IRF2: variants seen among roughly 807,000 people sequenced by gnomAD.
IRF2 encodes interferon regulatory factor 2.
A neutral mutation model predicts 40.6 loss-of-function variants in IRF2; 15 were observed. The ratio of observed to expected loss-of-function variants is 0.37; its 90% CI spans 0.25 to 0.57. The LOEUF (loss-of-function observed/expected upper bound fraction) is 0.57, where lower values mean the gene tolerates loss of function less well. IRF2 is among the 20% of genes least tolerant of loss of function. IRF2 has a pLI of 0.77. For missense variants in IRF2, 317 were observed against 455.7 expected, an observed-to-expected ratio of 0.70 and a Z score of 2.77; for synonymous variants, 151 against 165.5, an observed-to-expected ratio of 0.91 and a Z score of 0.67.
Position 184,418,569 on chromosome 4 carries a change from G to A in IRF2, c.327C>T (p.Tyr109=), listed in dbSNP as rs2149900078. The change falls in exon 4 of 9, where the codon TAC becomes TAT. Residue 109 remains tyrosine, a synonymous_variant. Coordinates refer to ENST00000393593, the MANE Select transcript of IRF2 (RefSeq NM_002199.4). ...IKKGNNAFRV[Y]RMLPLSERPS... ...GCCGTTCTGATAGGGGCAGCATTCGGTAGACCCTGAAGGCATTATTTCCTT... is the reference window on the plus strand; with the variant it reads ...GCCGTTCTGATAGGGGCAGCATTCGATAGACCCTGAAGGCATTATTTCCTT... 1 of 1,614,176 alleles carries A rather than the reference G, an allele frequency of 6.2e-7. No individual in the cohort carries two copies. Among genetic ancestry groups the A allele is most frequent in the East Asian group, 2.2e-5 (1 of 44,888 alleles).
At position 184,388,773 on chromosome 4, in the gene IRF2, G is replaced by A. The variant is rs150796036; in HGVS notation, c.1035C>T (p.Arg345=). 6.7e-3 allele frequency: 10,726 copies of A among 1,611,208 alleles called. 60 individuals are homozygous for A. The highest frequency in any genetic ancestry group is 7.9e-3 in the Non-Finnish European group (9,292 of 1,179,634). ...IKKTSDITQA[R]VKSC ...AGTCAGAGGCTTAACAGCTCTTGAC[G>A]CGGGCCTGGGTGATATCCGATGTTT... The change falls in exon 9 of 9, where the codon CGC becomes CGT. Residue 345 remains arginine, a synonymous_variant. Coordinates refer to ENST00000393593, the MANE Select transcript of IRF2 (RefSeq NM_002199.4). The surrounding 1 kb of genome is among the most constrained non-coding windows in gnomAD (Gnocchi z 4.6).
At chr4:184,415,838 C>T (rs969412969) in intron 5 of IRF2, among the ~76,000 whole-genome samples, 6 of 152,178 alleles carry the variant, frequency 3.9e-5, no homozygotes, top group South Asian at 4.1e-4. Flanking sequence ...TCAACAAATG[C>T]GGATGCATCT....
chr4:184,446,617 C>T (rs550768477), intron 1 of IRF2, among the ~76,000 whole-genome samples: 3 of 152,092 alleles, frequency 2.0e-5, no homozygotes, highest in Non-Finnish European at 4.4e-5. Context: ...CTACAATAAC[C>T]CAGGCTGTGG....
chr4:184,471,321 C>CT (rs1187815345), intron 1 of IRF2, among the ~76,000 whole-genome samples: 21 of 152,154 alleles, frequency 1.4e-4, no homozygotes, highest in African/African-American at 5.1e-4. Flanking sequence ...TAATGGTCAG[C>CT]TCACTCACCA....
chr4:184,455,977 C>T (rs1165002886), intron 1 of IRF2, among the ~76,000 whole-genome samples: 1 of 152,194 alleles, frequency 6.6e-6, no homozygotes, highest in East Asian at 1.9e-4. Flanking sequence ...CCTGCAAAGA[C>T]GAAGGTGGGC....
At position 184,388,826 on chromosome 4, in the gene IRF2, G is replaced by C; in HGVS notation, c.982C>G (p.Arg328Gly). 1 of 1,613,974 alleles carries C rather than the reference G, an allele frequency of 6.2e-7. No individual in the cohort carries two copies. The highest frequency in any genetic ancestry group is 8.5e-7 in the Non-Finnish European group (1 of 1,180,030). The change falls in exon 9 of 9, where the codon CGG becomes GGG. Residue 328 changes from arginine (R) to glycine (G), a missense_variant. By Grantham distance (125) the Arg-to-Gly change is moderately radical. This residue lies in a region of IRF2 where 262 missense variants were observed against 334.0 expected (regional missense o/e 0.78). Transcript: ENST00000393593. This position sits in a 1 kb window ranked among gnomAD's most constrained non-coding sequence, Gnocchi z 4.6. The part of the protein sequence containing the change: ...TPASSSSRPD[R>G]ETRASVIKKT... ...TTGATGACGCTGGCCCGGGTCTCCC[G>C]GTCTGGCCGACTGCTGCTGGATGCT...
intron 8 of IRF2, 23 bp downstream of exon 8, chr4:184,390,680 G>A: frequency 6.2e-7 from 1 of 1,613,596 alleles, no homozygotes; most frequent in Admixed American, 1.7e-5. Context: ...GCAGCATCGT[G>A]GGCAGGCTGG....
intron 5 of IRF2, among the ~76,000 whole-genome samples, chr4:184,409,326 A>C (rs1345537513): frequency 6.6e-6 from 1 of 152,070 alleles, no homozygotes; most frequent in East Asian, 1.9e-4. Flanking sequence ...TCCCCCCAAA[A>C]TCCTCAAAAA....
chr4:184,414,137 C>T (rs1485814505), intron 5 of IRF2, among the ~76,000 whole-genome samples: 1 of 152,252 alleles, frequency 6.6e-6, no homozygotes, highest in Non-Finnish European at 1.5e-5. Flanking sequence ...CTGCCCATCA[C>T]AGGGAGAACT....
At chr4:184,471,599 ATGT>A (rs1260214148) in intron 1 of IRF2, among the ~76,000 whole-genome samples, 1 of 152,160 alleles carries the variant, frequency 6.6e-6, no homozygotes. Context: ...GTACGAGATG[ATGT>A]TAAGAATAAA....
chr4:184,442,237 G>A (rs987242529), intron 1 of IRF2, among the ~76,000 whole-genome samples: 10 of 152,078 alleles, frequency 6.6e-5, no homozygotes, highest in African/African-American at 2.2e-4. Context: ...TGGCCAACCC[G>A]AGCTTTCCTT....
intron 6 of IRF2, chr4:184,407,094 G>A (rs1283033827): frequency 2.3e-5 from 18 of 799,376 alleles, no homozygotes; most frequent in South Asian, 2.8e-5. Context: ...GAGCACTGCC[G>A]AGACCAGTCA....
At chr4:184,431,053 A>T (rs916848349) in intron 1 of IRF2, among the ~76,000 whole-genome samples, 1 of 152,152 alleles carries the variant, frequency 6.6e-6, no homozygotes, top group African/African-American at 2.4e-5. Flanking sequence ...CACATAGGAA[A>T]CACTCACTGC....
At chr4:184,405,649 G>A (rs917145298) in intron 6 of IRF2, among the ~76,000 whole-genome samples, 2 of 152,184 alleles carry the variant, frequency 1.3e-5, no homozygotes, top group African/African-American at 4.8e-5. Context: ...GGAGCAGAAT[G>A]GAAGCAGAGC....
At chr4:184,422,858 G>A (rs1379073947) in intron 2 of IRF2, among the ~76,000 whole-genome samples, 2 of 152,182 alleles carry the variant, frequency 1.3e-5, no homozygotes, top group Non-Finnish European at 2.9e-5. Context: ...CTTTTGGAGG[G>A]ATAAAAAGTT....
chr4:184,449,935 G>A (rs887881405), intron 1 of IRF2, among the ~76,000 whole-genome samples: 4 of 152,198 alleles, frequency 2.6e-5, no homozygotes, highest in South Asian at 2.1e-4. Context: ...TATAAAGAGC[G>A]ACTGTTCCTG....
intron 2 of IRF2, among the ~76,000 whole-genome samples, chr4:184,424,105 T>C (rs1049696906): frequency 6.6e-6 from 1 of 152,072 alleles, no homozygotes; most frequent in African/African-American, 2.4e-5. Flanking sequence ...AAAATATTCA[T>C]ACATCTAGAT....
intron 1 of IRF2, among the ~76,000 whole-genome samples, chr4:184,431,727 GGTCCCT>G (rs1737886865): frequency 6.6e-6 from 1 of 152,156 alleles, no homozygotes; most frequent in African/African-American, 2.4e-5. Flanking sequence ...TGCTGTGCGT[GGTCCCT>G]GGCGCTGCAG....
intron 1 of IRF2, among the ~76,000 whole-genome samples, chr4:184,444,194 T>C (rs944107966): frequency 1.3e-5 from 2 of 152,100 alleles, no homozygotes; most frequent in East Asian, 1.9e-4. Flanking sequence ...GTATATGAGA[T>C]GAGGAGAGGA....
Sources: gnomAD v4.1 joint callset for allele counts (sites outside exome capture counted in the v4.1 genomes callset) on GRCh38, gnomAD v4.1.1 for gene constraint, gnomAD v4.1.1 regional missense constraint, Gnocchi (gnomAD v3.1) non-coding constraint, MANE v1.5 for transcripts, NCBI Gene and HGNC (gene_info 2026-07-23, HGNC 2026-07-21) for gene names.